Variants in TCOF1 observed in about 807,000 individuals in gnomAD.
The protein encoded by TCOF1 is treacle protein.
In TCOF1, 33 loss-of-function variants were observed where a neutral mutation model predicts 149.0. The ratio of observed to expected loss-of-function variants is 0.22; its 90% confidence interval spans 0.17 to 0.30. The LOEUF (loss-of-function observed/expected upper bound fraction) is 0.30. Among genes scored for constraint, TCOF1 ranks in the 10% least tolerant of loss-of-function variants. The pLI, the probability that TCOF1 is intolerant of heterozygous loss-of-function variation, is 1.00. For missense variants in TCOF1, 1,728 were observed against 1,840.7 expected (o/e 0.94, Z 1.12); for synonymous variants, 789 against 738.8 (o/e 1.07, Z -1.10).
At chr5:150,398,235 G>A in intron 24 of TCOF1, 119 bp from the exon 25 acceptor site, 3 of 1,579,746 alleles carry the variant, frequency 1.9e-6, no homozygotes, top group Admixed American at 3.8e-5. Context: ...CTGGCCTGTT[G>A]TGATGGCTTC....
intron 6 of TCOF1, among the ~76,000 whole-genome samples, chr5:150,370,332 G>A (rs533942184): frequency 4.6e-5 from 7 of 152,288 alleles, no homozygotes; most frequent in South Asian, 4.2e-4. Context: ...CAGAGAAGGC[G>A]GCAAAGAGAG....
At chr5:150,385,065 G>C (rs895663652) in intron 17 of TCOF1, 6 of 985,410 alleles carry the variant, frequency 6.1e-6, no homozygotes, top group Non-Finnish European at 7.2e-6. Context: ...TTAAAAACAA[G>C]TAGGTGATAC....
chr5:150,397,521 A>T (rs960856001), intron 24 of TCOF1, among the ~76,000 whole-genome samples: 1 of 152,212 alleles, frequency 6.6e-6, no homozygotes, highest in Non-Finnish European at 1.5e-5. Context: ...CTCAGCAGGT[A>T]GAAAACTGCG....
intron 3 of TCOF1, among the ~76,000 whole-genome samples, chr5:150,366,639 C>CTTTTTT (rs1204091560): frequency 7.8e-5 from 5 of 64,382 alleles, no homozygotes; most frequent in Non-Finnish European, 1.5e-4. Flanking sequence ...CAACATTCTT[C>CTTTTTT]TTTTTTTTTT....
chr5:150,388,213 G>C (rs1766680729), intron 18 of TCOF1, 125 bp downstream of exon 18: 1 of 1,306,716 alleles, frequency 7.7e-7, no homozygotes, highest in Non-Finnish European at 1.1e-6. Context: ...CTTGGGGTCA[G>C]GTCTCTGGGC....
intron 14 of TCOF1, among the ~76,000 whole-genome samples, chr5:150,376,939 C>T (rs1352280004): frequency 6.6e-6 from 1 of 152,232 alleles, no homozygotes; most frequent in Non-Finnish European, 1.5e-5. Flanking sequence ...AGTCCTGTCT[C>T]TGTGGAGCAT....
chr5:150,375,195 G>A, intron 10 of TCOF1, 32 bp downstream of exon 10: 2 of 1,612,836 alleles, frequency 1.2e-6, no homozygotes, highest in Non-Finnish European at 1.7e-6. Context: ...CATGGCCTGT[G>A]CCCTGCCTCA....
chr5:150,399,559 T>C (rs1394611570), intron 26 of TCOF1, among the ~76,000 whole-genome samples: 6 of 152,060 alleles, frequency 3.9e-5, no homozygotes, highest in Admixed American at 3.9e-4. Context: ...CTGGCTCTGC[T>C]GGCCCTGTGG....
At chr5:150,362,611 T>G (rs1760388735) in intron 2 of TCOF1, among the ~76,000 whole-genome samples, 1 of 152,124 alleles carries the variant, frequency 6.6e-6, no homozygotes, top group African/African-American at 2.4e-5. Context: ...AGTGGTGGGC[T>G]CCCTGTCATT....
At chr5:150,362,116 G>A (rs908806574) in intron 2 of TCOF1, among the ~76,000 whole-genome samples, 1 of 152,176 alleles carries the variant, frequency 6.6e-6, no homozygotes, top group African/African-American at 2.4e-5. Context: ...GGGAGAGGAA[G>A]TATCTTATTG....
chr5:150,375,501 G>A lies in TCOF1; in HGVS notation c.1651G>A (p.Glu551Lys), dbSNP rs768127692. ...GGAGGACTCAGAGAGCAGTAGTGAG[G>A]AGTCATCAGACAGCAGTGATGGAGA... ...WEEDSESSSE[E>K]SSDSSDGEVP... The change falls in exon 11 of 27, where the codon GAG becomes AAG. Residue 551 changes from glutamate to lysine, a missense_variant. Transcript: ENST00000643257. The A allele has an allele frequency of 7.4e-6, 12 of 1,614,070 alleles. No individual in the cohort carries two copies. The South Asian group carries it at 1.3e-4, about 18-fold the overall frequency.
chr5:150,395,784 ACAATGTAT>A (rs902367730), intron 23 of TCOF1, among the ~76,000 whole-genome samples: 4 of 152,058 alleles, frequency 2.6e-5, no homozygotes, highest in African/African-American at 4.8e-5. Flanking sequence ...TTATAAATCT[ACAATGTAT>A]CATAGGAAGC....
chr5:150,372,509 A>G (rs922516661), intron 7 of TCOF1, among the ~76,000 whole-genome samples: 1 of 152,216 alleles, frequency 6.6e-6, no homozygotes, highest in Admixed American at 6.5e-5. Flanking sequence ...TTGATTGCCT[A>G]ATCCTCTGAC....
chr5:150,396,194 C>T (rs2151096747), intron 23 of TCOF1, 88 bp from the exon 24 acceptor site: 3 of 1,448,150 alleles, frequency 2.1e-6, no homozygotes, highest in Non-Finnish European at 1.9e-6. Context: ...AAGATGGAGT[C>T]ACTCCCTGCA....
chr5:150,364,452 G>C (rs1203184544), intron 3 of TCOF1, among the ~76,000 whole-genome samples, 200 bp downstream of exon 3: 3 of 152,152 alleles, frequency 2.0e-5, no homozygotes, highest in Non-Finnish European at 4.4e-5. Flanking sequence ...GGGGTGCAAG[G>C]CCGAACCAAA....
chr5:150,393,849 A>G (rs1767911582), intron 23 of TCOF1: 5 of 428,754 alleles, frequency 1.2e-5, no homozygotes, highest in South Asian at 1.1e-4. Context: ...CCCCATCTCT[A>G]AAATTTATTT....
chr5:150,373,274 C>G (rs1762949578), intron 7 of TCOF1, among the ~76,000 whole-genome samples: 1 of 152,150 alleles, frequency 6.6e-6, no homozygotes, highest in Non-Finnish European at 1.5e-5. Context: ...GCTGTGGACT[C>G]AAGCAGTCCT....
intron 17 of TCOF1, chr5:150,384,334 AT>A: frequency 1.0e-6 from 1 of 986,170 alleles, no homozygotes; most frequent in South Asian, 4.7e-5. Flanking sequence ...TGTTGTTTGC[AT>A]TTTAAGGAAC....
chr5:150,367,452 G>GC (rs1166937647), intron 3 of TCOF1: 1 of 238,148 alleles, frequency 4.2e-6, no homozygotes, highest in Non-Finnish European at 8.5e-6. Flanking sequence ...CCTGACCACT[G>GC]CCCCTTCTTG....
Sources: allele counts gnomAD v4.1 joint callset (sites outside exome capture counted in the v4.1 genomes callset), GRCh38; gene constraint gnomAD v4.1.1; transcripts MANE v1.5; gene names NCBI Gene and HGNC (gene_info 2026-07-23, HGNC 2026-07-21).